USP8: variants seen among roughly 807,000 people sequenced by gnomAD.
USP8 encodes the protein ubiquitin carboxyl-terminal hydrolase 8.
In USP8, 27 loss-of-function variants were observed where a neutral mutation model predicts 130.0. The observed-to-expected ratio is 0.21, with a 90% CI of 0.15 to 0.29. USP8 has a LOEUF of 0.29. Ranked by LOEUF, USP8 falls within the 10% of genes least tolerant of loss-of-function variation. The pLI is 1.00. For missense variants in USP8, 1,029 were observed against 1,312.2 expected (o/e 0.78, Z 3.33); for synonymous variants, 392 against 444.1 (o/e 0.88, Z 1.48).
Position 50,499,257 on chromosome 15 carries a change from T to G in USP8, c.*169T>G. On this transcript the variant is annotated 3_prime_UTR_variant, in exon 20 of 20. Transcript: ENST00000307179. ...TCCGGTCAGTGCTGACAAATAACAT[T>G]TAACAAGTATTGCAGTAATCATCAC... is the stretch of plus-strand genomic sequence containing the variant. 2.0e-6 allele frequency: 1 copy of G among 508,398 alleles called. No individual in the cohort carries two copies. Among genetic ancestry groups the G allele is most frequent in the Non-Finnish European group, 3.1e-6 (1 of 320,528 alleles). 31.5% of individuals were successfully genotyped at this position (508,398 alleles called of 1,614,324 possible).
intron 17 of USP8, among the ~76,000 whole-genome samples, chr15:50,496,559 G>A (rs2052419663): frequency 6.7e-6 from 1 of 149,540 alleles, no homozygotes; most frequent in Non-Finnish European, 1.5e-5. Context: ...ATGTAGATTA[G>A]AAAGAATTAG....
chr15:50,466,928 C>T (rs1175045323), intron 7 of USP8: 31 of 418,758 alleles, frequency 7.4e-5, no homozygotes, highest in South Asian at 5.5e-4. Flanking sequence ...CTTTGAGAAT[C>T]GCTACAAGAA....
rs979683604 is a variant in USP8, at chr15:50,510,421, A to AT, written c.*11334dup. ...AATTACAATAAGATACAACAACCAA[A>AT]TGCAGTTTGTGAATTTTGGATGGAT... is the stretch of plus-strand genomic sequence containing the variant. On this transcript the variant is annotated 3_prime_UTR_variant, in exon 20 of 20. Coordinates refer to ENST00000307179, the MANE Select transcript of USP8 (RefSeq NM_005154.5). The AT allele has an allele frequency of 1.6e-4, 24 of 152,154 alleles. No individual in the cohort carries two copies. The highest frequency in any genetic ancestry group is 2.2e-4 in the Non-Finnish European group (15 of 68,030). The allele number at this position is 152,154 out of a possible 1,614,324, so 9.4% of individuals were successfully genotyped here. A position where few individuals can be genotyped will look rare whatever the true frequency, so the allele number is the denominator to read the frequency against.
Position 50,509,718 on chromosome 15 carries a change from TGTAATAGC to T in USP8, c.*10631_*10638del, listed in dbSNP as rs1265181804. ...CGATAAAATTAAAAATGAAAAAACA[TGTAATAGC>T]TACAGATCCTGAATAAATTTATTGT... On this transcript the variant is annotated 3_prime_UTR_variant, in exon 20 of 20. Coordinates refer to ENST00000307179, the MANE Select transcript of USP8 (RefSeq NM_005154.5). 6.6e-6 allele frequency: 1 copy of T among 152,052 alleles called. No homozygotes were observed. Among genetic ancestry groups the T allele is most frequent in the Non-Finnish European group, 1.5e-5 (1 of 67,988 alleles). 9.4% of individuals were successfully genotyped at this position (152,052 alleles called of 1,614,324 possible). A position where few individuals can be genotyped will look rare whatever the true frequency, so the allele number is the denominator to read the frequency against.
chr15:50,490,844 CT>C (rs1255980341), intron 14 of USP8, among the ~76,000 whole-genome samples: 2 of 152,266 alleles, frequency 1.3e-5, no homozygotes, highest in African/African-American at 4.8e-5. Context: ...CGGAATCTCC[CT>C]TTGAGGACCA....
At position 50,495,890 on chromosome 15, in the gene USP8, C is replaced by T. The variant is rs1412306898; in HGVS notation, c.2701C>T (p.Leu901Phe). ...ATATAAAGAAGAAAATAATGATCAT[C>T]TCGATGACTTTAAAGCTGCAGAACA... ...KRYKEENNDH[L>F]DDFKAAEHAW... Residue 901 changes from leucine to phenylalanine, a missense_variant, in exon 17 of 20, where the codon CTC (leucine) becomes TTC (phenylalanine). By Grantham distance (22) the Leu-to-Phe change is conservative. Transcript: ENST00000307179. The T allele has an allele frequency of 4.3e-6, 7 of 1,613,756 alleles. No individual in the cohort carries two copies. Among genetic ancestry groups the T allele is most frequent in the South Asian group, 1.1e-5 (1 of 91,058 alleles).
At chr15:50,459,220 T>C in intron 5 of USP8, 58 bp downstream of exon 5, 2 of 1,545,492 alleles carry the variant, frequency 1.3e-6, no homozygotes, top group South Asian at 2.5e-5. Flanking sequence ...GATGATTTGC[T>C]TAAAAAGAGT....
At chr15:50,498,022 A>G (rs780761156) in intron 18 of USP8, among the ~76,000 whole-genome samples, 3 of 152,202 alleles carry the variant, frequency 2.0e-5, no homozygotes, top group Non-Finnish European at 4.4e-5. Context: ...GGATTCTGGA[A>G]GTATAAACAT....
chr15:50,485,456 A>AG (rs529839135), intron 12 of USP8, among the ~76,000 whole-genome samples: 3,128 of 151,534 alleles, frequency 0.021, 109 homozygotes, highest in African/African-American at 0.071. Context: ...TTTCAAAAAA[A>AG]AAAAAAGGCT....
chr15:50,501,942 C>T lies in USP8; in HGVS notation c.*2854C>T, dbSNP rs540849041. 4.9e-4 allele frequency: 74 copies of T among 152,246 alleles called. No homozygotes were observed. The highest frequency in any genetic ancestry group is 1.7e-3 in the African/African-American group (72 of 41,536). The allele number at this position is 152,246 out of a possible 1,614,324, so 9.4% of individuals were successfully genotyped here. ...AGTTTTATGGGAACACAGTCATGCT[C>T]ATTTGTTTACACTTTTCAGTGGCTG... On this transcript the variant is annotated 3_prime_UTR_variant, in exon 20 of 20. Coordinates refer to ENST00000307179, the MANE Select transcript of USP8 (RefSeq NM_005154.5).
intron 10 of USP8, among the ~76,000 whole-genome samples, chr15:50,479,996 A>G (rs2051707669): frequency 6.6e-6 from 1 of 152,060 alleles, no homozygotes; most frequent in Non-Finnish European, 1.5e-5. Context: ...CCTGGCCTCA[A>G]GTGATCTATC....
chr15:50,471,352 C>G (rs2051368688), intron 7 of USP8, among the ~76,000 whole-genome samples: 1 of 152,078 alleles, frequency 6.6e-6, no homozygotes, highest in South Asian at 2.1e-4. Flanking sequence ...CAGTTTTGCT[C>G]CCCCCTTGAC....
chr15:50,449,319 C>CATG, intron 3 of USP8, 81 bp from the exon 4 acceptor site: 1 of 846,840 alleles, frequency 1.2e-6, no homozygotes, highest in Non-Finnish European at 1.7e-6. Context: ...ATATAAGCAC[C>CATG]ATGATTTTAA....
intron 17 of USP8, among the ~76,000 whole-genome samples, chr15:50,496,294 A>G (rs1316327625): frequency 3.9e-5 from 6 of 152,064 alleles, no homozygotes; most frequent in African/African-American, 1.4e-4. Flanking sequence ...ATCCTGGATA[A>G]CACGGTGAAA....
rs536315028 is a variant in USP8, at chr15:50,510,080, T to A, written c.*10992T>A. ...AAATTTAATATTTTATAGCTATAAT[T>A]AATACAGTACGGAATTAGCCCAAAT... On this transcript the variant is annotated 3_prime_UTR_variant, in exon 20 of 20. Transcript: ENST00000307179. The A allele has an allele frequency of 2.0e-5, 3 of 152,172 alleles. No individual in the cohort carries two copies. Among genetic ancestry groups the A allele is most frequent in the Non-Finnish European group, 4.4e-5 (3 of 68,024 alleles). 9.4% of individuals were successfully genotyped at this position (152,172 alleles called of 1,614,324 possible). A position where few individuals can be genotyped will look rare whatever the true frequency, so the allele number is the denominator to read the frequency against.
intron 14 of USP8, among the ~76,000 whole-genome samples, chr15:50,491,497 A>G (rs1428284478): frequency 6.6e-6 from 1 of 152,160 alleles, no homozygotes; most frequent in East Asian, 1.9e-4. Flanking sequence ...ATAATGTTTT[A>G]AGGACTGTAT....
intron 18 of USP8, among the ~76,000 whole-genome samples, chr15:50,497,937 C>T (rs1334396850): frequency 1.3e-5 from 2 of 152,150 alleles, no homozygotes; most frequent in African/African-American, 4.8e-5. Context: ...ATATTAATTT[C>T]CAAATTTACA....
chr15:50,476,818 C>T, intron 8 of USP8, 31 bp from the exon 9 acceptor site: 1 of 1,521,224 alleles, frequency 6.6e-7, no homozygotes, highest in Non-Finnish European at 8.8e-7. Context: ...AGATTGCTGC[C>T]CTATTTAAAA....
intron 4 of USP8, among the ~76,000 whole-genome samples, chr15:50,456,857 G>A (rs1408086443): frequency 1.3e-5 from 2 of 152,164 alleles, no homozygotes; most frequent in African/African-American, 4.8e-5. Flanking sequence ...CTGCACTCCT[G>A]CCTGGGCAGC....
Sources: allele counts gnomAD v4.1 joint callset (sites outside exome capture counted in the v4.1 genomes callset), GRCh38; gene constraint gnomAD v4.1.1; transcripts MANE v1.5; gene names NCBI Gene and HGNC (gene_info 2026-07-23, HGNC 2026-07-21).